MACROH2A1: variants seen among roughly 807,000 people sequenced by gnomAD.
MACROH2A1 encodes macroH2A.1 histone.
A neutral mutation model predicts 31.6 loss-of-function variants in MACROH2A1; 2 were observed. The ratio of observed to expected loss-of-function variants is 0.06; its 90% CI spans 0.03 to 0.20. MACROH2A1 has a LOEUF of 0.20. Ranked by LOEUF, MACROH2A1 falls within the 10% of genes least tolerant of loss-of-function variation. The pLI, the probability that MACROH2A1 is intolerant of heterozygous loss-of-function variation, is 1.00. For missense variants in MACROH2A1, 230 were observed against 474.0 expected, an observed-to-expected ratio of 0.49 and a Z score of 4.78; for synonymous variants, 169 against 189.6, an observed-to-expected ratio of 0.89 and a Z score of 0.89.
chr5:135,335,262 T>C (rs1758453398), intron 8 of MACROH2A1, 121 bp from the exon 9 acceptor site: 10 of 696,030 alleles, frequency 1.4e-5, no homozygotes, highest in Non-Finnish European at 2.5e-5. Flanking sequence ...CGGTGTCTGT[T>C]GAGCCCCGTG....
rs377092112 is a variant in MACROH2A1 at position 135,358,831 on chromosome 5, C to T, written c.588+1666G>A. The T allele has an allele frequency of 1.1e-4, 106 of 985,044 alleles. No homozygotes were observed. In the East Asian group the frequency reaches 2.0e-3, roughly 19 times the overall value. 61.0% of individuals were successfully genotyped at this position (985,044 alleles called of 1,614,324 possible). Reference sequence around the variant, plus strand: ...TACTCTACTGTACTTTATTTTTATTCGTGTGATGCCTGGCCCTGAGACCAG... The same window carrying T: ...TACTCTACTGTACTTTATTTTTATTTGTGTGATGCCTGGCCCTGAGACCAG... On this transcript the variant is annotated intron_variant, in intron 5 of 8. Coordinates refer to ENST00000511689, the MANE Select transcript of MACROH2A1 (RefSeq NM_138610.3).
chr5:135,384,755 C>T (rs550541713), intron 2 of MACROH2A1, among the ~76,000 whole-genome samples: 1 of 152,354 alleles, frequency 6.6e-6, no homozygotes, highest in South Asian at 2.1e-4. Context: ...AAGGACTTCA[C>T]ATGCATGCTC....
intron 6 of MACROH2A1, chr5:135,350,706 G>T: frequency 1.5e-6 from 1 of 656,860 alleles, no homozygotes; most frequent in South Asian, 1.8e-5. Flanking sequence ...GACAGGGTCA[G>T]GACAGCTGGA....
At chr5:135,364,564 C>T (rs564279639) in intron 4 of MACROH2A1, among the ~76,000 whole-genome samples, 1 of 152,310 alleles carries the variant, frequency 6.6e-6, no homozygotes, top group Admixed American at 6.5e-5. Flanking sequence ...TATTGTCCTA[C>T]AAACCCATAA....
At chr5:135,337,987 G>C in intron 8 of MACROH2A1, 1 of 1,208,390 alleles carries the variant, frequency 8.3e-7, no homozygotes, top group South Asian at 1.5e-5. Flanking sequence ...TCTGGACTGC[G>C]CAGGCTGCCA....
At position 135,398,495 on chromosome 5, in the gene MACROH2A1, G is replaced by T. The variant is rs3776197; in HGVS notation, c.-34+567C>A. ...CCAACCCGGTCCCCCGCACCAGCCC[G>T]GCTTCAATCCCGCGAGTAGCCCCCG... On this transcript the variant is annotated intron_variant, in intron 1 of 8. Coordinates refer to ENST00000511689, the MANE Select transcript of MACROH2A1 (RefSeq NM_138610.3). The surrounding 1 kb of genome is among the most constrained non-coding windows in gnomAD (Gnocchi z 4.6). Among the ~76,000 whole-genome samples, 3 of 152,174 alleles carry T rather than the reference G, an allele frequency of 2.0e-5. No individual in the cohort carries two copies. Among genetic ancestry groups the T allele is most frequent in the Non-Finnish European group, 4.4e-5 (3 of 68,030 alleles).
At chr5:135,362,046 T>C (rs1164356055) in intron 4 of MACROH2A1, 1 of 152,206 alleles carries the variant, frequency 6.6e-6, no homozygotes, top group Non-Finnish European at 1.5e-5. Context: ...GAAACAGGTA[T>C]AATCAACAAT....
At chr5:135,358,700 A>G in intron 5 of MACROH2A1, 5 of 934,116 alleles carry the variant, frequency 5.4e-6, no homozygotes, top group Non-Finnish European at 6.4e-6. Flanking sequence ...ATAACATTAA[A>G]TGATATGTTT....
In MACROH2A1 at chr5:135,398,798, G is replaced by A. The variant is rs1345599993; in HGVS notation, c.-34+264C>T. Among the ~76,000 whole-genome samples, 1 of 152,214 alleles carries A rather than the reference G, an allele frequency of 6.6e-6. No homozygotes were observed. Among genetic ancestry groups the A allele is most frequent in the African/African-American group, 2.4e-5 (1 of 41,476 alleles). On this transcript the variant is annotated intron_variant, in intron 1 of 8. Transcript: ENST00000511689. This position sits in a 1 kb window ranked among gnomAD's most constrained non-coding sequence, Gnocchi z 4.6. ...TTTTCCCACAAAAGCGCCCAGGCGC[G>A]GGCAGGGGGATGCGTTTCGAAGAGA...
chr5:135,373,852 A>G (rs1764506078), intron 2 of MACROH2A1, among the ~76,000 whole-genome samples: 1 of 152,224 alleles, frequency 6.6e-6, no homozygotes, highest in Non-Finnish European at 1.5e-5. Flanking sequence ...AGTAGGGATA[A>G]CAAAGAGGGG....
chr5:135,345,924 G>T (rs553875930), intron 7 of MACROH2A1, 44 bp downstream of exon 7: 2 of 1,284,022 alleles, frequency 1.6e-6, no homozygotes, highest in Admixed American at 1.7e-5. Context: ...TCCTAATACT[G>T]CATGTGTCAC....
intron 8 of MACROH2A1, chr5:135,337,980 G>A: frequency 8.2e-7 from 1 of 1,215,630 alleles, no homozygotes; most frequent in South Asian, 1.5e-5. Context: ...TGGCTGCTCT[G>A]GACTGCGCAG....
chr5:135,374,102 C>G (rs1359805419), intron 2 of MACROH2A1, among the ~76,000 whole-genome samples: 1 of 152,148 alleles, frequency 6.6e-6, no homozygotes, highest in Non-Finnish European at 1.5e-5. Context: ...CCCGACTTAA[C>G]AAAAGCAGTA....
At position 135,343,066 on chromosome 5, in the gene MACROH2A1, C is replaced by T. The variant is rs73292672; in HGVS notation, c.953+194G>A. On this transcript the variant is annotated intron_variant, in intron 8 of 8. Transcript: ENST00000511689. ...ATCAAAACTTAAGTTTTATATCATCCTTGGGATTTGGGTCTCTCTAATTGT... is the reference window on the plus strand; with the variant it reads ...ATCAAAACTTAAGTTTTATATCATCTTTGGGATTTGGGTCTCTCTAATTGT... 4,946 of 1,353,024 alleles carry T rather than the reference C, an allele frequency of 3.7e-3. 136 individuals carry two copies. In the African/African-American group the frequency reaches 0.065, roughly 18 times the overall value. 83.8% of individuals were successfully genotyped at this position (1,353,024 alleles called of 1,614,324 possible).
intron 5 of MACROH2A1, 36 bp from the exon 6 acceptor site, chr5:135,353,081 G>A (rs1457857357): frequency 7.6e-7 from 1 of 1,314,696 alleles, no homozygotes. Context: ...AATAACAGGA[G>A]AGCTGGGAAG....
chr5:135,346,201 T>G (rs914505310), intron 6 of MACROH2A1, 144 bp from the exon 7 acceptor site: 9 of 641,508 alleles, frequency 1.4e-5, no homozygotes, highest in Non-Finnish European at 2.6e-5. Context: ...TTGGCTAAGT[T>G]AATAAAGTAA....
At chr5:135,397,113 C>T (rs1462790080) in intron 1 of MACROH2A1, among the ~76,000 whole-genome samples, 1 of 152,108 alleles carries the variant, frequency 6.6e-6, no homozygotes, top group Admixed American at 6.5e-5. Flanking sequence ...CATATAGAGT[C>T]TTGTTGGGTT....
intron 1 of MACROH2A1, among the ~76,000 whole-genome samples, chr5:135,392,654 G>A (rs994005385): frequency 1.3e-5 from 2 of 152,174 alleles, no homozygotes; most frequent in African/African-American, 2.4e-5. Context: ...CTCTTCAGAG[G>A]TTTATGCAGG....
Position 135,369,259 on chromosome 5 carries a change from T to G in MACROH2A1, c.477+147A>C. The stretch of plus-strand genomic sequence containing the variant: ...GCTACTTGTGTTGGACTAGCCCCTC[T>G]GGAGAGTAATCAGCTCCTACATGTT... On this transcript the variant is annotated intron_variant, in intron 4 of 8. Transcript: ENST00000511689. This position sits in a 1 kb window ranked among gnomAD's most constrained non-coding sequence, Gnocchi z 4.3. 1.4e-6 allele frequency: 1 copy of G among 735,310 alleles called. No homozygotes were observed. The highest frequency in any genetic ancestry group is 2.4e-6 in the Non-Finnish European group (1 of 421,440). The allele number at this position is 735,310 out of a possible 1,614,324, so 45.5% of individuals were successfully genotyped here.
Sources: gnomAD v4.1 joint callset for allele counts (sites outside exome capture counted in the v4.1 genomes callset) on GRCh38, gnomAD v4.1.1 for gene constraint, Gnocchi (gnomAD v3.1) non-coding constraint, MANE v1.5 for transcripts, NCBI Gene and HGNC (gene_info 2026-07-23, HGNC 2026-07-21) for gene names.